Variants in SUN1 observed in about 807,000 individuals in gnomAD.
SUN1 encodes the protein SUN domain-containing protein 1.
A neutral mutation model predicts 103.2 loss-of-function variants in SUN1; 61 were observed. That is an observed-to-expected ratio of 0.59 (90% confidence interval 0.48 to 0.73). The LOEUF (loss-of-function observed/expected upper bound fraction) is 0.73, where lower values mean the gene tolerates loss of function less well. SUN1 is among the 30% of genes least tolerant of loss of function. The pLI is 0.00. For synonymous variants in SUN1, 490 were observed against 425.7 expected (o/e 1.15, Z -1.86); for missense variants, 1,052 against 1,034.6 (o/e 1.02, Z -0.23).
chr7:819,646 G>A (rs977382504), intron 1 of SUN1, among the ~76,000 whole-genome samples: 2 of 151,310 alleles, frequency 1.3e-5, no homozygotes, highest in Admixed American at 1.3e-4. Flanking sequence ...GATTAGATGT[G>A]TGGGTTTATT....
chr7:853,471 G>C lies in SUN1; in HGVS notation c.1116G>C (p.Leu372=), dbSNP rs1824129058. Residue 372 remains leucine, a synonymous_variant, in exon 10 of 19, where the codon CTG becomes CTC. Transcript: ENST00000401592. Reference sequence around the variant, plus strand: ...GCGTGGAGCAGCAGGTGGCCTCTCTGTCTGGACAGTGCCACCACCATGGTG... The same window carrying C: ...GCGTGGAGCAGCAGGTGGCCTCTCTCTCTGGACAGTGCCACCACCATGGTG... ...MSGVEQQVAS[L]SGQCHHHGEN... is the part of the protein sequence containing the mutation. 6.2e-7 allele frequency: 1 copy of C among 1,614,078 alleles called. No homozygotes were observed. Among genetic ancestry groups the C allele is most frequent in the Non-Finnish European group, 8.5e-7 (1 of 1,180,042 alleles).
intron 1 of SUN1, among the ~76,000 whole-genome samples, chr7:833,536 C>T (rs1051182121): frequency 6.6e-6 from 1 of 152,092 alleles, no homozygotes; most frequent in Non-Finnish European, 1.5e-5. Context: ...ATCTCGAGCT[C>T]CTGACCTCAG....
chr7:830,199 G>C (rs1584156017), upstream of SUN1, among the ~76,000 whole-genome samples: 1 of 152,242 alleles, frequency 6.6e-6, no homozygotes, highest in East Asian at 1.9e-4. Context: ...TGTGGCCCAT[G>C]TGGGAGAGCG....
At chr7:857,137 G>C (rs530558690) in intron 12 of SUN1, among the ~76,000 whole-genome samples, 6 of 152,080 alleles carry the variant, frequency 3.9e-5, no homozygotes, top group East Asian at 1.9e-4. Context: ...CACGCAGCTC[G>C]TATTCCCCAC....
chr7:860,590 A>G (rs1831409700), intron 14 of SUN1, among the ~76,000 whole-genome samples: 1 of 152,214 alleles, frequency 6.6e-6, no homozygotes, highest in Non-Finnish European at 1.5e-5. Context: ...TCTTGCTGTC[A>G]GTGTCATTAC....
intron 7 of SUN1, 155 bp downstream of exon 7, chr7:852,198 C>A: frequency 1.4e-6 from 1 of 698,310 alleles, no homozygotes; most frequent in Non-Finnish European, 2.4e-6. Context: ...TCTTATTTTT[C>A]AAACCAACCT....
chr7:817,362 G>T (rs1215646884), intron 1 of SUN1: 2 of 1,503,938 alleles, frequency 1.3e-6, no homozygotes, highest in Admixed American at 2.0e-5. Flanking sequence ...AGGCGCGCGC[G>T]TGGTCTCCGC....
At chr7:816,641 G>A (rs761965715) in exon 1 of SUN1, 1 of 333,848 alleles carries the variant, frequency 3.0e-6, no homozygotes, top group South Asian at 2.1e-5. Flanking sequence ...CCTGGGCGGC[G>A]CAGACGAGGC....
rs1843346124 is a variant in SUN1, at chr7:874,496, G to A, written c.*1165G>A. On this transcript the variant is annotated 3_prime_UTR_variant, in exon 19 of 19. Transcript: ENST00000401592. ...CAGTTTTCAGTGTACCGTAAATGTT[G>A]TGTTTTCAGAAAAAGACAAAACGAT... 6.6e-6 allele frequency: 1 copy of A among 152,614 alleles called. No homozygotes were observed. Among genetic ancestry groups the A allele is most frequent in the Admixed American group, 6.5e-5 (1 of 15,282 alleles). 9.5% of individuals were successfully genotyped at this position (152,614 alleles called of 1,614,324 possible).
chr7:861,236 C>T, intron 14 of SUN1, 144 bp from the exon 15 acceptor site: 2 of 774,974 alleles, frequency 2.6e-6, no homozygotes, highest in Non-Finnish European at 4.2e-6. Context: ...GTGGAGTTGA[C>T]TTCTGCCATG....
intron 1 of SUN1, among the ~76,000 whole-genome samples, chr7:835,436 A>G (rs990990267): frequency 1.3e-5 from 2 of 152,346 alleles, no homozygotes; most frequent in East Asian, 1.9e-4. Context: ...AGGGCTTCTT[A>G]ATGTATTTAG....
intron 5 of SUN1, chr7:848,420 G>T: frequency 7.4e-7 from 1 of 1,355,986 alleles, no homozygotes; most frequent in Non-Finnish European, 9.8e-7. Context: ...TTTAATAGGC[G>T]GTGCGTCTTT....
chr7:853,368 T>G (rs1230270672), intron 9 of SUN1, 41 bp from the exon 10 acceptor site: 2 of 1,608,146 alleles, frequency 1.2e-6, no homozygotes, highest in Non-Finnish European at 1.7e-6. Flanking sequence ...GTGCTCATGC[T>G]TGTTTGACTA....
intron 1 of SUN1, among the ~76,000 whole-genome samples, chr7:826,351 T>C (rs1034150986): frequency 2.8e-5 from 3 of 107,776 alleles, no homozygotes; most frequent in Non-Finnish European, 4.0e-5. Context: ...TGAGCGAGCA[T>C]GTGTGTCTGT....
chr7:873,563 C>A lies in SUN1; in HGVS notation c.*232C>A. On this transcript the variant is annotated 3_prime_UTR_variant, in exon 19 of 19. Coordinates refer to ENST00000401592, the MANE Select transcript of SUN1 (RefSeq NM_001130965.3). Reference sequence around the variant, plus strand: ...TCAGCAGCAGGAGAAGCGTGTTGAACACGTGGCTCTCAGACACTCCTTGTT... The same window carrying A: ...TCAGCAGCAGGAGAAGCGTGTTGAAAACGTGGCTCTCAGACACTCCTTGTT... The A allele has an allele frequency of 4.1e-6, 2 of 488,794 alleles. No individual in the cohort carries two copies. The highest frequency in any genetic ancestry group is 7.3e-6 in the Non-Finnish European group (2 of 274,184). The allele number at this position is 488,794 out of a possible 1,614,324, so 30.3% of individuals were successfully genotyped here.
Position 860,197 on chromosome 7 carries a change from C to A in SUN1, c.1594C>A (p.Gln532Lys), listed in dbSNP as rs1476939408. The change falls in exon 14 of 19, where the codon CAG becomes AAG. Residue 532 changes from glutamine to lysine, a missense_variant. Physicochemically the swap from Gln to Lys is moderately conservative, Grantham distance 53 (BLOSUM62 1). This residue lies in a region of SUN1 where 846 missense variants were observed against 774.5 expected (regional missense o/e 1.09). Coordinates refer to ENST00000401592, the MANE Select transcript of SUN1 (RefSeq NM_001130965.3). ...AGATCAGCAAGGCGGTTCTCTGGAA[C>A]AGCTGCTGCAGAGGTTCTCATCACA... ...SEDQQGGSLEQLLQRFSSQFV... is the reference protein window; with the variant it reads ...SEDQQGGSLEKLLQRFSSQFV... 6.2e-7 allele frequency: 1 copy of A among 1,614,126 alleles called. No homozygotes were observed. The highest frequency in any genetic ancestry group is 8.5e-7 in the Non-Finnish European group (1 of 1,180,052).
At chr7:872,173 C>T (rs1057259376) in intron 17 of SUN1, among the ~76,000 whole-genome samples, 2 of 152,276 alleles carry the variant, frequency 1.3e-5, no homozygotes, top group South Asian at 2.1e-4. Flanking sequence ...GTGTGTCCGG[C>T]GGGGTCACTT....
chr7:843,958 G>A, intron 5 of SUN1: 2 of 988,370 alleles, frequency 2.0e-6, no homozygotes, highest in African/African-American at 1.7e-5. Context: ...CGCTAGCCCT[G>A]TGCTTATGGT....
intron 5 of SUN1, chr7:848,492 G>A (rs937486924): frequency 5.1e-6 from 7 of 1,364,220 alleles, no homozygotes; most frequent in Non-Finnish European, 6.9e-6. Flanking sequence ...ATCATTTTTA[G>A]TTCAACTTTT....
Sources: gnomAD v4.1 joint callset for allele counts (sites outside exome capture counted in the v4.1 genomes callset) on GRCh38, gnomAD v4.1.1 for gene constraint, gnomAD v4.1.1 regional missense constraint, MANE v1.5 for transcripts, NCBI Gene and HGNC (gene_info 2026-07-23, HGNC 2026-07-21) for gene names.